MYRFL: variants seen among roughly 807,000 people sequenced by gnomAD.
MYRFL encodes myelin regulatory factor-like protein.
A neutral mutation model predicts 109.4 loss-of-function variants in MYRFL; 88 were observed. That is an observed-to-expected ratio of 0.80 (90% CI 0.68 to 0.96). The LOEUF (loss-of-function observed/expected upper bound fraction) is 0.96. Ranked by LOEUF, MYRFL falls within the 40% of genes least tolerant of loss-of-function variation. MYRFL has a pLI of 0.00. For missense variants in MYRFL, 957 were observed against 954.9 expected, an observed-to-expected ratio of 1.00 and a Z score of -0.03; for synonymous variants, 324 against 320.9, an observed-to-expected ratio of 1.01 and a Z score of -0.10.
At chr12:69,924,262 C>T (rs1159348279) in intron 13 of MYRFL, among the ~76,000 whole-genome samples, 1 of 149,524 alleles carries the variant, frequency 6.7e-6, no homozygotes, top group African/African-American at 2.5e-5. Context: ...AAACAGGATA[C>T]ATTCAGAGAA....
intron 5 of MYRFL, 121 bp downstream of exon 5, chr12:69,880,413 A>G: frequency 1.7e-6 from 1 of 591,446 alleles, no homozygotes; most frequent in East Asian, 2.9e-5. Flanking sequence ...GAGCAATGAT[A>G]AGCTCTGGTA....
At chr12:69,942,723 A>T (rs1206122252) in intron 19 of MYRFL, among the ~76,000 whole-genome samples, 11 of 151,926 alleles carry the variant, frequency 7.2e-5, no homozygotes, top group South Asian at 6.3e-4. Flanking sequence ...GGGTATTCAA[A>T]TAGGAAAAGA....
chr12:69,945,986 CAAA>C (rs56988555), intron 19 of MYRFL, among the ~76,000 whole-genome samples: 591 of 42,268 alleles, frequency 0.014, 11 homozygotes, highest in African/African-American at 0.047. Flanking sequence ...GACTCCGTCT[CAAA>C]AAAAAAAAAA....
intron 6 of MYRFL, among the ~76,000 whole-genome samples, chr12:69,888,394 A>G (rs1325257202): frequency 6.6e-6 from 1 of 152,228 alleles, no homozygotes; most frequent in Non-Finnish European, 1.5e-5. Context: ...ATTTGTTACA[A>G]AAATATCATT....
intron 19 of MYRFL, among the ~76,000 whole-genome samples, chr12:69,939,170 C>T (rs1955561504): frequency 6.6e-6 from 1 of 152,238 alleles, no homozygotes; most frequent in African/African-American, 2.4e-5. Context: ...CCAGGAAGCT[C>T]GAACTGGGTG....
intron 2 of MYRFL, among the ~76,000 whole-genome samples, chr12:69,864,167 G>A (rs766056601): frequency 3.3e-5 from 5 of 152,220 alleles, no homozygotes; most frequent in South Asian, 2.1e-4. Context: ...GCTCAAATTC[G>A]AATCTGTAAA....
Position 69,893,780 on chromosome 12 carries a change from A to C in MYRFL, c.920A>C (p.Gln307Pro). 7.0e-7 allele frequency: 1 copy of C among 1,436,424 alleles called. No individual in the cohort carries two copies. The highest frequency in any genetic ancestry group is 9.1e-7 in the Non-Finnish European group (1 of 1,097,114). 89.0% of individuals were successfully genotyped at this position (1,436,424 alleles called of 1,614,324 possible). Residue 307 changes from glutamine (Q) to proline (P), a missense_variant, in exon 8 of 25, where the codon CAA (glutamine) becomes CCA (proline). Transcript: ENST00000552032. ...TTCATACAGGTGGAAGCTACCAATC[A>C]AATAATTGCTATTGAACAGTCCCAA... ...VFGTKVEATN[Q>P]IIAIEQSQAD...
At chr12:69,953,519 A>G (rs1956028253) in intron 21 of MYRFL, among the ~76,000 whole-genome samples, 1 of 152,132 alleles carries the variant, frequency 6.6e-6, no homozygotes, top group Non-Finnish European at 1.5e-5. Flanking sequence ...TAGTTTCAGC[A>G]CTTTGGGAGG....
chr12:69,827,070 G>A (rs1882326661), intron 1 of MYRFL, among the ~76,000 whole-genome samples: 1 of 152,020 alleles, frequency 6.6e-6, no homozygotes, highest in South Asian at 2.1e-4. Flanking sequence ...ATATTCTAAT[G>A]AGAAGAACCA....
At chr12:69,839,083 C>T (rs1186965180) in intron 1 of MYRFL, among the ~76,000 whole-genome samples, 5 of 152,072 alleles carry the variant, frequency 3.3e-5, no homozygotes, top group African/African-American at 4.8e-5. Context: ...TTTTAGTAAC[C>T]GTAATGCTAA....
intron 2 of MYRFL, among the ~76,000 whole-genome samples, chr12:69,864,650 C>A: frequency 4.9e-5 from 1 of 20,314 alleles, no homozygotes; most frequent in East Asian, 1.6e-3. Context: ...CACACACACA[C>A]ACACACACAC....
intron 10 of MYRFL, among the ~76,000 whole-genome samples, chr12:69,903,219 A>G (rs1954245446): frequency 6.6e-6 from 1 of 152,246 alleles, no homozygotes; most frequent in South Asian, 2.1e-4. Flanking sequence ...GGCTAGCTAA[A>G]TGCAAGGTAT....
At chr12:69,871,442 C>T (rs1453040477) in intron 2 of MYRFL, among the ~76,000 whole-genome samples, 2 of 151,988 alleles carry the variant, frequency 1.3e-5, no homozygotes, top group South Asian at 2.1e-4. Flanking sequence ...CCGTGTTAGC[C>T]GGGATGGTCT....
intron 1 of MYRFL, among the ~76,000 whole-genome samples, chr12:69,839,051 T>A (rs556770378): frequency 6.6e-6 from 1 of 152,268 alleles, no homozygotes; most frequent in African/African-American, 2.4e-5. Flanking sequence ...GAAAAAGCAA[T>A]GAAGGATGGA....
At chr12:69,870,097 TC>T (rs1885253590) in intron 2 of MYRFL, among the ~76,000 whole-genome samples, 4 of 140,032 alleles carry the variant, frequency 2.9e-5, no homozygotes, top group Admixed American at 7.4e-5. Flanking sequence ...TGATTTTTCT[TC>T]CTTTTTTTTT....
chr12:69,951,983 T>TG, intron 19 of MYRFL, 130 bp from the exon 20 acceptor site: 1 of 695,374 alleles, frequency 1.4e-6, no homozygotes, highest in Non-Finnish European at 2.5e-6. Context: ...AGAGATTAGA[T>TG]GAGTTGAAGG....
chr12:69,934,591 C>A (rs527553516), intron 16 of MYRFL, among the ~76,000 whole-genome samples: 1 of 152,136 alleles, frequency 6.6e-6, no homozygotes, highest in African/African-American at 2.4e-5. Flanking sequence ...TGAGGTCACA[C>A]TGATGATTGA....
chr12:69,865,607 C>T (rs1183845013), intron 2 of MYRFL, among the ~76,000 whole-genome samples: 3 of 152,114 alleles, frequency 2.0e-5, no homozygotes, highest in African/African-American at 7.2e-5. Flanking sequence ...TTCTGAGGTC[C>T]TTCCAGTGTC....
chr12:69,907,795 A>G (rs1954415188), intron 11 of MYRFL, among the ~76,000 whole-genome samples: 1 of 152,198 alleles, frequency 6.6e-6, no homozygotes. Flanking sequence ...TTAAGCTCCA[A>G]AAGAGAAACA....
Sources: allele counts gnomAD v4.1 joint callset (sites outside exome capture counted in the v4.1 genomes callset), GRCh38; gene constraint gnomAD v4.1.1; transcripts MANE v1.5; gene names NCBI Gene and HGNC (gene_info 2026-07-23, HGNC 2026-07-21).